Variants in ELOVL6 observed in about 807,000 individuals in gnomAD.
ELOVL6 encodes the protein ELOVL fatty acid elongase 6.
In ELOVL6, 8 loss-of-function variants were observed where a neutral mutation model predicts 31.7. The observed-to-expected ratio is 0.25, with a 90% CI of 0.15 to 0.45. ELOVL6 has a LOEUF of 0.45. Ranked by LOEUF, ELOVL6 falls within the 20% of genes least tolerant of loss-of-function variation. The pLI, the probability that ELOVL6 is intolerant of heterozygous loss-of-function variation, is 1.00. For missense variants in ELOVL6, 126 were observed against 326.4 expected, an observed-to-expected ratio of 0.39 and a Z score of 4.73; for synonymous variants, 101 against 117.7, an observed-to-expected ratio of 0.86 and a Z score of 0.92.
chr4:110,150,919 T>C (rs1758260824), intron 1 of ELOVL6, among the ~76,000 whole-genome samples: 1 of 152,038 alleles, frequency 6.6e-6, no homozygotes, highest in Non-Finnish European at 1.5e-5. Flanking sequence ...GGCACATGCC[T>C]GTAATCCCAG....
intron 1 of ELOVL6, among the ~76,000 whole-genome samples, chr4:110,189,801 T>C (rs1458682176): frequency 1.3e-5 from 2 of 151,246 alleles, no homozygotes; most frequent in East Asian, 1.9e-4. Flanking sequence ...ACCCCGTCTC[T>C]ACTAAAAATA....
chr4:110,138,518 G>A (rs1757869499), intron 1 of ELOVL6, among the ~76,000 whole-genome samples: 1 of 152,204 alleles, frequency 6.6e-6, no homozygotes, highest in Non-Finnish European at 1.5e-5. Flanking sequence ...GTGTTAGCAG[G>A]TGGAGGGGAG....
chr4:110,078,940 C>T (rs1212459869), intron 2 of ELOVL6, among the ~76,000 whole-genome samples: 1 of 152,082 alleles, frequency 6.6e-6, no homozygotes, highest in Non-Finnish European at 1.5e-5. Flanking sequence ...GGTTGCAATC[C>T]TAGTCTCTGA....
intron 2 of ELOVL6, among the ~76,000 whole-genome samples, chr4:110,094,345 T>G (rs1425168198): frequency 7.0e-6 from 1 of 142,484 alleles, no homozygotes; most frequent in African/African-American, 2.6e-5. Flanking sequence ...TTGAGCCCAG[T>G]AGTTTCAGAC....
chr4:110,090,636 C>T (rs1438981968), intron 2 of ELOVL6, among the ~76,000 whole-genome samples: 2 of 105,046 alleles, frequency 1.9e-5, no homozygotes, highest in Admixed American at 9.5e-5. Flanking sequence ...GACGGAGTCT[C>T]GCTCTGTCGC....
At chr4:110,094,404 A>AATATATATAT (rs1167924305) in intron 2 of ELOVL6, among the ~76,000 whole-genome samples, 13 of 55,568 alleles carry the variant, frequency 2.3e-4, no homozygotes, top group East Asian at 5.9e-4. Flanking sequence ...CTTAAAAAGA[A>AATATATATAT]ATATATATAT....
intron 2 of ELOVL6, among the ~76,000 whole-genome samples, chr4:110,080,038 C>A (rs1011504231): frequency 1.3e-5 from 2 of 152,066 alleles, no homozygotes; most frequent in Admixed American, 1.3e-4. Context: ...AAGACTAAAC[C>A]AGGAGGAAGT....
chr4:110,110,481 C>T (rs1274701157), intron 1 of ELOVL6, among the ~76,000 whole-genome samples: 8 of 147,300 alleles, frequency 5.4e-5, no homozygotes, highest in Non-Finnish European at 1.2e-4. Flanking sequence ...GATCATGGCT[C>T]ACTGCAGCCT....
intron 1 of ELOVL6, among the ~76,000 whole-genome samples, chr4:110,108,809 T>G (rs1756954903): frequency 6.6e-6 from 1 of 151,914 alleles, no homozygotes; most frequent in African/African-American, 2.4e-5. Flanking sequence ...CAAAGTAAGT[T>G]TTTCATTGCA....
intron 1 of ELOVL6, among the ~76,000 whole-genome samples, chr4:110,134,631 T>C (rs567673825): frequency 6.6e-6 from 1 of 152,206 alleles, no homozygotes; most frequent in Non-Finnish European, 1.5e-5. Context: ...GTGCAGAGAA[T>C]GAAGACATTT....
intron 2 of ELOVL6, among the ~76,000 whole-genome samples, chr4:110,069,229 C>T (rs1755397704): frequency 6.6e-6 from 1 of 151,456 alleles, no homozygotes; most frequent in Admixed American, 6.6e-5. Context: ...AACAGAACAC[C>T]TGGTTATAGA....
At chr4:110,191,197 GT>G (rs1759608652) in intron 1 of ELOVL6, among the ~76,000 whole-genome samples, 1 of 152,126 alleles carries the variant, frequency 6.6e-6, no homozygotes, top group Non-Finnish European at 1.5e-5. Flanking sequence ...GAGATGCTGG[GT>G]TTTTTTAAAG....
At chr4:110,061,813 C>T (rs1026833524) in intron 2 of ELOVL6, among the ~76,000 whole-genome samples, 2 of 152,042 alleles carry the variant, frequency 1.3e-5, no homozygotes, top group Non-Finnish European at 2.9e-5. Flanking sequence ...GCCTCGGCCT[C>T]CCAAAGTGCT....
At chr4:110,098,795 T>C (rs1489972367) in intron 2 of ELOVL6, among the ~76,000 whole-genome samples, 1 of 152,184 alleles carries the variant, frequency 6.6e-6, no homozygotes, top group Non-Finnish European at 1.5e-5. Context: ...TTTAAAAATC[T>C]GACATTTATA....
rs189803755 is a variant in ELOVL6 at position 110,084,308 on chromosome 4, T to C, written c.221+21189A>G. ...TATAACTTATATATGATATATAACA[T>C]ATAACATATATAAATTTGATATATA... On this transcript the variant is annotated intron_variant, in intron 2 of 3. Transcript: ENST00000302274. Among the ~76,000 whole-genome samples, 415 of 85,554 alleles carry C rather than the reference T, an allele frequency of 4.9e-3. 26 individuals are homozygous for C. The highest frequency in any genetic ancestry group is 0.024 in the African/African-American group (401 of 16,526). The allele number at this position is 85,554 out of a possible 152,430, so 56.1% of individuals were successfully genotyped here. A position where few individuals can be genotyped will look rare whatever the true frequency, so the allele number is the denominator to read the frequency against.
intron 2 of ELOVL6, among the ~76,000 whole-genome samples, chr4:110,097,866 T>C (rs79678959): frequency 4.7e-4 from 71 of 152,216 alleles, no homozygotes; most frequent in African/African-American, 1.5e-3. Flanking sequence ...AGCTGTAATT[T>C]ACAAATATGG....
At chr4:110,156,772 C>T (rs1270630906) in intron 1 of ELOVL6, among the ~76,000 whole-genome samples, 1 of 152,200 alleles carries the variant, frequency 6.6e-6, no homozygotes, top group Non-Finnish European at 1.5e-5. Context: ...GAATTCATTT[C>T]TTTAAGCAGT....
chr4:110,133,743 G>T (rs1757734158), intron 1 of ELOVL6, among the ~76,000 whole-genome samples: 2 of 152,062 alleles, frequency 1.3e-5, no homozygotes, highest in Non-Finnish European at 2.9e-5. Flanking sequence ...AGATATGAAA[G>T]AAAAAGTTAA....
At chr4:110,148,861 T>C (rs1758203431) in intron 1 of ELOVL6, among the ~76,000 whole-genome samples, 1 of 152,118 alleles carries the variant, frequency 6.6e-6, no homozygotes, top group South Asian at 2.1e-4. Flanking sequence ...TTATATACTT[T>C]TTGTTCTGTT....
Sources: allele counts gnomAD v4.1 joint callset (sites outside exome capture counted in the v4.1 genomes callset), GRCh38; gene constraint gnomAD v4.1.1; transcripts MANE v1.5; gene names NCBI Gene and HGNC (gene_info 2026-07-23, HGNC 2026-07-21).